The following GPR180 variants were observed in gnomAD, a reference collection of about 807,000 sequenced individuals.
GPR180 encodes G protein-coupled receptor 180.
In GPR180, 53 loss-of-function variants were observed where a neutral mutation model predicts 52.6. The observed-to-expected ratio is 1.01, with a 90% CI of 0.81 to 1.27. The LOEUF is 1.27. GPR180 is among the 50% of genes most tolerant of loss of function. The probability of loss-of-function intolerance (pLI) is 0.00; values close to 1 mark genes in which losing one functional copy is unlikely to be tolerated. For missense variants in GPR180, 533 were observed against 527.0 expected (o/e 1.01, Z -0.11); for synonymous variants, 200 against 193.1 (o/e 1.04, Z -0.30).
intron 1 of GPR180, among the ~76,000 whole-genome samples, chr13:94,603,499 T>C (rs181919118): frequency 1.3e-5 from 2 of 152,182 alleles, no homozygotes; most frequent in African/African-American, 2.4e-5. Context: ...AAATCACATA[T>C]AGTTATTACC....
In GPR180 at chr13:94,630,166, G is replaced by C. The variant is rs746989903; in HGVS notation, c.*2995G>C. ...TGAGATTGGTTTTCCTCTGTGATCT[G>C]AAAGTAGTGTGGTAGAAGCACCGTA... On this transcript the variant is annotated 3_prime_UTR_variant, in exon 9 of 9. Transcript: ENST00000376958. 2 of 152,196 alleles carry C rather than the reference G, an allele frequency of 1.3e-5. No homozygotes were observed. Among genetic ancestry groups the C allele is most frequent in the Non-Finnish European group, 2.9e-5 (2 of 68,022 alleles). The allele number at this position is 152,196 out of a possible 1,614,324, so 9.4% of individuals were successfully genotyped here.
intron 2 of GPR180, among the ~76,000 whole-genome samples, chr13:94,611,792 C>T (rs986496998): frequency 6.6e-6 from 1 of 151,956 alleles, no homozygotes; most frequent in Non-Finnish European, 1.5e-5. Flanking sequence ...CCCAGGATCC[C>T]CAGAGCTCCA....
At chr13:94,624,720 T>G (rs542844567) in intron 7 of GPR180, among the ~76,000 whole-genome samples, 10 of 152,148 alleles carry the variant, frequency 6.6e-5, no homozygotes, top group Non-Finnish European at 1.3e-4. Context: ...GTTTTTGTAT[T>G]TTTAGTAGAG....
At chr13:94,618,295 A>T (rs1889803377) in intron 3 of GPR180, among the ~76,000 whole-genome samples, 1 of 152,170 alleles carries the variant, frequency 6.6e-6, no homozygotes, top group Non-Finnish European at 1.5e-5. Context: ...TACTAAGAGA[A>T]GATGATTAGC....
chr13:94,623,078 T>C, intron 6 of GPR180, 31 bp from the exon 7 acceptor site: 1 of 1,540,478 alleles, frequency 6.5e-7, no homozygotes, highest in Non-Finnish European at 8.9e-7. Context: ...TATTTTTTTT[T>C]CCTAAATGTA....
rs555924771 is a variant in GPR180, at chr13:94,601,927, C to T, written c.-1C>T. On this transcript the variant is annotated 5_prime_UTR_variant, in exon 1 of 9. Coordinates refer to ENST00000376958, the MANE Select transcript of GPR180 (RefSeq NM_180989.6). ...GCGTCGGTGCAGACCTGGAGACGGGCATGGGGGGGCTGCGGCTGCTGGCTG... is the reference window on the plus strand; with the variant it reads ...GCGTCGGTGCAGACCTGGAGACGGGTATGGGGGGGCTGCGGCTGCTGGCTG... 31 of 1,487,798 alleles carry T rather than the reference C, an allele frequency of 2.1e-5. No individual in the cohort carries two copies. Among genetic ancestry groups the T allele is most frequent in the African/African-American group, 2.9e-5 (2 of 69,032 alleles). 92.2% of individuals were successfully genotyped at this position (1,487,798 alleles called of 1,614,324 possible). A position where few individuals can be genotyped will look rare whatever the true frequency, so the allele number is the denominator to read the frequency against.
At chr13:94,621,663 T>G (rs750638383) in intron 6 of GPR180, among the ~76,000 whole-genome samples, 28 of 152,172 alleles carry the variant, frequency 1.8e-4, no homozygotes, top group Non-Finnish European at 3.7e-4. Flanking sequence ...ATTGGCTGCT[T>G]TGTACGTAAA....
Position 94,619,235 on chromosome 13 carries a change from G to T in GPR180, c.591G>T (p.Lys197Asn). The change falls in exon 4 of 9, where the codon AAG becomes AAT. Residue 197 changes from lysine (K) to asparagine (N), a missense_variant. Coordinates refer to ENST00000376958, the MANE Select transcript of GPR180 (RefSeq NM_180989.6). ...IYAQSLWQAI[K>N]KGGPMHMILK... ...CTCAATCATTGTGGCAGGCTATTAA[G>T]AAAGGCGGACCCATGCACATGATTT... 6.2e-7 allele frequency: 1 copy of T among 1,614,130 alleles called. No homozygotes were observed. The highest frequency in any genetic ancestry group is 1.6e-4 in the Middle Eastern group (1 of 6,062).
Position 94,601,872 on chromosome 13 carries a change from G to C in GPR180, c.-56G>C. The C allele has an allele frequency of 7.5e-7, 1 of 1,334,630 alleles. No homozygotes were observed. The highest frequency in any genetic ancestry group is 1.9e-5 in the South Asian group (1 of 53,792). 82.7% of individuals were successfully genotyped at this position (1,334,630 alleles called of 1,614,324 possible). Reference sequence around the variant, plus strand: ...CGCCTCCCCCAGCTGCCGACGTGGGGCGGGCAGCCGCCGGCGGCTGGGAGC... The same window carrying C: ...CGCCTCCCCCAGCTGCCGACGTGGGCCGGGCAGCCGCCGGCGGCTGGGAGC... On this transcript the variant is annotated 5_prime_UTR_variant, in exon 1 of 9. Transcript: ENST00000376958.
chr13:94,619,023 A>G, intron 3 of GPR180, 127 bp from the exon 4 acceptor site: 1 of 749,496 alleles, frequency 1.3e-6, no homozygotes, highest in Non-Finnish European at 2.1e-6. Flanking sequence ...TCTCTTACAA[A>G]GGTGAATGCT....
At chr13:94,621,004 G>T in intron 5 of GPR180, 74 bp from the exon 6 acceptor site, 53 of 1,192,012 alleles carry the variant, frequency 4.4e-5, no homozygotes, top group Non-Finnish European at 5.0e-5. Context: ...AAAAAAAGAT[G>T]TTCTCAATGC....
rs1346219555 is a variant in GPR180 at position 94,627,665 on chromosome 13, A to T, written c.*494A>T. 6.6e-6 allele frequency: 1 copy of T among 152,472 alleles called. No homozygotes were observed. Among genetic ancestry groups the T allele is most frequent in the Admixed American group, 6.5e-5 (1 of 15,274 alleles). The allele number at this position is 152,472 out of a possible 1,614,324, so 9.4% of individuals were successfully genotyped here. ...TCATATTTGAGTTTAAAGGAATTGA[A>T]ATTACTTCAGGAAATGAATATAAAA... On this transcript the variant is annotated 3_prime_UTR_variant, in exon 9 of 9. Transcript: ENST00000376958.
intron 1 of GPR180, among the ~76,000 whole-genome samples, chr13:94,602,390 T>C (rs968467368): frequency 6.6e-6 from 1 of 152,192 alleles, no homozygotes; most frequent in Non-Finnish European, 1.5e-5. Context: ...CGGCCGCATC[T>C]TTCCAGATCC....
Position 94,605,561 on chromosome 13 carries a change from C to T in GPR180, c.304+12C>T. On this transcript the variant is annotated intron_variant, in intron 2 of 8. Coordinates refer to ENST00000376958, the MANE Select transcript of GPR180 (RefSeq NM_180989.6). ...AGCTCAGTTGACAAGTGAGTATATC[C>T]TTTTTTCTTTGATCATTAGATATAG... 6.2e-7 allele frequency: 1 copy of T among 1,600,744 alleles called. No individual in the cohort carries two copies. Among genetic ancestry groups the T allele is most frequent in the South Asian group, 1.1e-5 (1 of 89,694 alleles).
At chr13:94,612,064 A>C (rs1283510896) in intron 2 of GPR180, 126 bp from the exon 3 acceptor site, 1 of 685,608 alleles carries the variant, frequency 1.5e-6, no homozygotes, top group Non-Finnish European at 2.5e-6. Context: ...AATACTACAC[A>C]AGGTCTTGGA....
Position 94,621,255 on chromosome 13 carries a change from G to A in GPR180, c.894+20G>A, listed in dbSNP as rs772383039. On this transcript the variant is annotated intron_variant, in intron 6 of 8. Transcript: ENST00000376958. ...ACACAGGTGGGTATTGATACTCAGT[G>A]TTTCTGCTTAGTAATCCTCAGAAAT... 3 of 1,538,478 alleles carry A rather than the reference G, an allele frequency of 1.9e-6. No homozygotes were observed. The African/African-American group carries it at 4.2e-5, about 22-fold the overall frequency.
intron 4 of GPR180, 58 bp from the exon 5 acceptor site, chr13:94,619,410 G>T: frequency 6.2e-7 from 1 of 1,601,350 alleles, no homozygotes; most frequent in Non-Finnish European, 8.5e-7. Flanking sequence ...TGCTTGCTTT[G>T]ATTATAAACA....
intron 1 of GPR180, among the ~76,000 whole-genome samples, chr13:94,602,502 T>TA (rs1889573438): frequency 6.7e-6 from 1 of 149,716 alleles, no homozygotes; most frequent in African/African-American, 2.5e-5. Flanking sequence ...TTTTTTTTTT[T>TA]AAAGACCAAT....
At chr13:94,619,611 A>T in intron 5 of GPR180, 94 bp downstream of exon 5, 1 of 1,062,816 alleles carries the variant, frequency 9.4e-7, no homozygotes. Flanking sequence ...TCTGTCGAAA[A>T]TTGTTTAGAA....
Sources: gnomAD v4.1 joint callset for allele counts (sites outside exome capture counted in the v4.1 genomes callset) on GRCh38, gnomAD v4.1.1 for gene constraint, MANE v1.5 for transcripts, NCBI Gene and HGNC (gene_info 2026-07-23, HGNC 2026-07-21) for gene names.